Variants in FBXO34 observed in about 807,000 individuals in gnomAD.
The protein encoded by FBXO34 is F-box protein 34, also known as F-box only protein 34.
In FBXO34, 12 loss-of-function variants were observed where a neutral mutation model predicts 24.5. The ratio of observed to expected loss-of-function variants is 0.49; its 90% CI spans 0.31 to 0.79. The LOEUF is 0.79. Among genes scored for constraint, FBXO34 ranks in the 30% least tolerant of loss-of-function variants. The pLI, the probability that FBXO34 is intolerant of heterozygous loss-of-function variation, is 0.04. For synonymous variants in FBXO34, 320 were observed against 311.9 expected (o/e 1.03, Z -0.27); for missense variants, 823 against 857.7 (o/e 0.96, Z 0.51).
intron 3 of FBXO34, among the ~76,000 whole-genome samples, chr14:55,361,340 G>T (rs935379380): frequency 6.6e-6 from 1 of 152,214 alleles, no homozygotes; most frequent in Non-Finnish European, 1.5e-5. Flanking sequence ...TGAGCAGTAG[G>T]TCTCAATTGT....
intron 1 of FBXO34, among the ~76,000 whole-genome samples, chr14:55,321,258 A>T (rs1883124977): frequency 6.6e-6 from 1 of 151,828 alleles, no homozygotes; most frequent in African/African-American, 2.4e-5. Flanking sequence ...TATCAGAAGG[A>T]TATTGTCCAC....
intron 1 of FBXO34, among the ~76,000 whole-genome samples, chr14:55,276,869 G>C (rs1226170518): frequency 6.6e-6 from 1 of 152,156 alleles, no homozygotes; most frequent in Non-Finnish European, 1.5e-5. Flanking sequence ...CTGGGAGTCA[G>C]CTTGCACAAG....
At chr14:55,287,588 C>T (rs1383050837) in intron 1 of FBXO34, among the ~76,000 whole-genome samples, 1 of 152,138 alleles carries the variant, frequency 6.6e-6, no homozygotes, top group Non-Finnish European at 1.5e-5. Flanking sequence ...TTTCAGTCCC[C>T]ACCTATGATG....
At chr14:55,434,564 C>T in the FBXO34 span, among the ~76,000 whole-genome samples, 35,524 of 151,870 alleles carry the variant, frequency 0.23, 7,241 homozygotes, top group African/African-American at 0.56. Context: ...CCCTACCCCT[C>T]GTCCAAAATG....
chr14:55,323,648 T>A (rs1319971662), intron 1 of FBXO34, among the ~76,000 whole-genome samples: 1 of 152,140 alleles, frequency 6.6e-6, no homozygotes, highest in Non-Finnish European at 1.5e-5. Flanking sequence ...TCCAAAGTGC[T>A]GGGATTAAAG....
At chr14:55,407,110 C>T in the FBXO34 span, among the ~76,000 whole-genome samples, 1 of 152,026 alleles carries the variant, frequency 6.6e-6, no homozygotes, top group Middle Eastern at 3.4e-3. Flanking sequence ...TACAGGCCTG[C>T]AACACAACAC....
chr14:55,307,016 T>C (rs1390581075), intron 1 of FBXO34, among the ~76,000 whole-genome samples: 1 of 152,234 alleles, frequency 6.6e-6, no homozygotes, highest in Non-Finnish European at 1.5e-5. Flanking sequence ...TTGTTTAATA[T>C]GGTATCCACC....
chr14:55,333,707 C>T (rs1883676252), intron 1 of FBXO34, among the ~76,000 whole-genome samples: 1 of 136,554 alleles, frequency 7.3e-6, no homozygotes, highest in Admixed American at 7.1e-5. Flanking sequence ...TTTGTTAGTG[C>T]TAATGCTGGG....
chr14:55,362,478 G>C (rs1884605791), downstream of FBXO34, among the ~76,000 whole-genome samples: 1 of 152,118 alleles, frequency 6.6e-6, no homozygotes, highest in Admixed American at 6.5e-5. Flanking sequence ...CCTTCAATTT[G>C]TAAAAAACCC....
At chr14:55,311,359 A>G (rs1026125580) in intron 1 of FBXO34, among the ~76,000 whole-genome samples, 3 of 152,196 alleles carry the variant, frequency 2.0e-5, no homozygotes, top group African/African-American at 7.2e-5. Context: ...TTATAATTCA[A>G]GATAAGAGTT....
downstream of FBXO34, chr14:55,368,429 A>C (rs569959777): frequency 2.8e-4 from 43 of 152,378 alleles, no homozygotes; most frequent in African/African-American, 1.0e-3. Flanking sequence ...CATGTTAGCC[A>C]GGCTGCTCTC....
At chr14:55,289,294 A>G (rs1315857434) in intron 1 of FBXO34, among the ~76,000 whole-genome samples, 1 of 152,130 alleles carries the variant, frequency 6.6e-6, no homozygotes, top group African/African-American at 2.4e-5. Flanking sequence ...CCTTCAAATC[A>G]TTGAAATCTG....
rs1422576440 is a variant in FBXO34, at chr14:55,350,815, A to G, written c.425A>G (p.Asp142Gly). Residue 142 changes from aspartate (D) to glycine (G), a missense_variant, in exon 2 of 2, where the codon GAT (aspartate) becomes GGT (glycine). This residue lies in a region of FBXO34 where 693 missense variants were observed against 659.1 expected (regional missense o/e 1.05). Transcript: ENST00000313833. Reference sequence around the variant, plus strand: ...TCTATGAAAATAAAAAGTTCCTGGGATATTGATGGGAGAGCTACTAAGAGA... The same window carrying G: ...TCTATGAAAATAAAAAGTTCCTGGGGTATTGATGGGAGAGCTACTAAGAGA... ...IGSMKIKSSW[D>G]IDGRATKRRK... The G allele has an allele frequency of 3.1e-6, 5 of 1,610,356 alleles. No individual in the cohort carries two copies. In the African/African-American group the frequency reaches 6.7e-5, roughly 22 times the overall value.
intron 1 of FBXO34, among the ~76,000 whole-genome samples, chr14:55,325,152 T>C (rs1256005264): frequency 2.0e-5 from 3 of 152,206 alleles, no homozygotes; most frequent in Non-Finnish European, 2.9e-5. Context: ...GTGCTGAATA[T>C]TATTATTTCC....
intron 1 of FBXO34, among the ~76,000 whole-genome samples, chr14:55,298,235 A>C (rs1467865884): frequency 1.3e-5 from 2 of 151,346 alleles, no homozygotes; most frequent in Non-Finnish European, 2.9e-5. Context: ...TTTTAAGCTC[A>C]TCAAATATCG....
At chr14:55,328,296 T>G (rs1047792507) in intron 1 of FBXO34, among the ~76,000 whole-genome samples, 3 of 152,176 alleles carry the variant, frequency 2.0e-5, no homozygotes, top group Non-Finnish European at 2.9e-5. Context: ...TTTGATCTTT[T>G]CACTTGAAGG....
chr14:55,321,247 A>C (rs1018839301), intron 1 of FBXO34, among the ~76,000 whole-genome samples: 2 of 152,004 alleles, frequency 1.3e-5, no homozygotes, highest in African/African-American at 4.8e-5. Context: ...AATATAAGGA[A>C]TATCAGAAGG....
chr14:55,428,943 A>C, the FBXO34 span: 1 of 1,613,948 alleles, frequency 6.2e-7, no homozygotes, highest in Non-Finnish European at 8.5e-7. Context: ...ACACGAGCAT[A>C]TTTTCTTGCT....
chr14:55,417,615 A>ATG, the FBXO34 span, among the ~76,000 whole-genome samples: 1 of 152,024 alleles, frequency 6.6e-6, no homozygotes, highest in Admixed American at 6.6e-5. Flanking sequence ...AAGCACCACC[A>ATG]TGTCTGGCTA....
Sources: gnomAD v4.1 joint callset for allele counts (sites outside exome capture counted in the v4.1 genomes callset) on GRCh38, gnomAD v4.1.1 for gene constraint, gnomAD v4.1.1 regional missense constraint, MANE v1.5 for transcripts, NCBI Gene and HGNC (gene_info 2026-07-23, HGNC 2026-07-21) for gene names.